C16orf46: variants seen among roughly 807,000 people sequenced by gnomAD.
The protein encoded by C16orf46 is chromosome 16 open reading frame 46.
A neutral mutation model predicts 5.5 loss-of-function variants in C16orf46; 7 were observed. That is an observed-to-expected ratio of 1.28 (90% CI 0.73 to 2.40). The LOEUF is 2.40. Among genes scored for constraint, C16orf46 ranks in the 30% most tolerant of loss-of-function variants. The pLI is 0.00. For missense variants in C16orf46, 614 were observed against 476.0 expected (o/e 1.29, Z -2.70); for synonymous variants, 200 against 184.1 (o/e 1.09, Z -0.70).
intron 1 of C16orf46, among the ~76,000 whole-genome samples, chr16:81,068,832 G>GCTTTATGATCTTATAAGTCA (rs1971742471): frequency 6.6e-6 from 1 of 152,034 alleles, no homozygotes; most frequent in African/African-American, 2.4e-5. Flanking sequence ...CTCCCAAGTA[G>GCTTTATGATCTTATAAGTCA]CTGGGATTCC....
At chr16:81,067,049 G>A (rs528600614) in intron 1 of C16orf46, among the ~76,000 whole-genome samples, 14 of 152,248 alleles carry the variant, frequency 9.2e-5, no homozygotes, top group African/African-American at 2.9e-4. Context: ...AGCCCCCAAA[G>A]TGCATGTTTG....
At chr16:81,057,273 G>C (rs927274742), downstream of C16orf46, among the ~76,000 whole-genome samples, 46 of 152,298 alleles carry the variant, frequency 3.0e-4, no homozygotes, top group Middle Eastern at 3.4e-3. Flanking sequence ...TTGGGGCAGG[G>C]CATGGTGGCT....
intron 1 of C16orf46, among the ~76,000 whole-genome samples, chr16:81,072,595 G>A (rs897972508): frequency 3.3e-5 from 5 of 152,134 alleles, no homozygotes; most frequent in African/African-American, 9.7e-5. Context: ...TGTTGGTCAG[G>A]CTGGTTTCAA....
Position 81,063,814 on chromosome 16 carries a change from T to C in C16orf46, c.142A>G (p.Ser48Gly), listed in dbSNP as rs1315006667. 1 of 1,614,008 alleles carries C rather than the reference T, an allele frequency of 6.2e-7. No individual in the cohort carries two copies. The highest frequency in any genetic ancestry group is 8.5e-7 in the Non-Finnish European group (1 of 1,180,034). ...KNHVYCLLDV[S>G]DITLEQDEKA... The stretch of plus-strand genomic sequence containing the variant: ...TCATCTTGTTCAAGCGTAATGTCAC[T>C]GACATCGAGAAGACAATAAACATGA... Residue 48 changes from serine to glycine, a missense_variant, in exon 3 of 4, where the codon AGT becomes GGT. By Grantham distance (56) the Ser-to-Gly change is moderately conservative. Coordinates refer to ENST00000299578, the MANE Select transcript of C16orf46 (RefSeq NM_152337.3).
chr16:81,073,770 T>C (rs886139824), intron 1 of C16orf46, among the ~76,000 whole-genome samples: 1 of 151,954 alleles, frequency 6.6e-6, no homozygotes, highest in South Asian at 2.1e-4. Flanking sequence ...CCAAGGAATG[T>C]GGATGGCATT....
chr16:81,054,211 C>A, intron 3 of C16orf46: 4 of 837,034 alleles, frequency 4.8e-6, no homozygotes, highest in Non-Finnish European at 7.4e-6. Context: ...GAAGACTGCC[C>A]TCAATAACTT....
At chr16:81,069,039 G>A (rs1389605607) in intron 1 of C16orf46, among the ~76,000 whole-genome samples, 1 of 152,120 alleles carries the variant, frequency 6.6e-6, no homozygotes, top group East Asian at 1.9e-4. Context: ...TAATAACGTG[G>A]CTACTTTATT....
intron 2 of C16orf46, 81 bp from the exon 3 acceptor site, chr16:81,064,074 T>G: frequency 1.3e-6 from 1 of 742,980 alleles, no homozygotes; most frequent in South Asian, 2.0e-5. Context: ...AGGTGAAATA[T>G]CTTCAAGACA....
chr16:81,056,335 T>C (rs1971294058), downstream of C16orf46: 1 of 152,156 alleles, frequency 6.6e-6, no homozygotes, highest in East Asian at 1.9e-4. Context: ...GAAGAGAGAA[T>C]GCCCACAACT....
intron 1 of C16orf46, among the ~76,000 whole-genome samples, chr16:81,066,746 A>G (rs1271196364): frequency 6.6e-6 from 1 of 152,246 alleles, no homozygotes; most frequent in Non-Finnish European, 1.5e-5. Flanking sequence ...AGCTCATGCC[A>G]TCCCATTTCT....
At chr16:81,065,342 T>C (rs964701257) in intron 2 of C16orf46, among the ~76,000 whole-genome samples, 2 of 151,910 alleles carry the variant, frequency 1.3e-5, no homozygotes, top group Non-Finnish European at 2.9e-5. Flanking sequence ...GGTGTGGTGG[T>C]GCACACCTGT....
intron 1 of C16orf46, among the ~76,000 whole-genome samples, chr16:81,074,356 T>C (rs147784924): frequency 0.019 from 2,835 of 152,248 alleles, 25 homozygotes; most frequent in Middle Eastern, 0.037. Flanking sequence ...ACAAAGTTAC[T>C]ATATTTTTTT....
chr16:81,067,237 A>G (rs569576524), intron 1 of C16orf46, among the ~76,000 whole-genome samples: 52 of 152,350 alleles, frequency 3.4e-4, no homozygotes, highest in African/African-American at 1.3e-3. Flanking sequence ...GATCAGCCAA[A>G]GAAATGTAAA....
intron 3 of C16orf46, among the ~76,000 whole-genome samples, chr16:81,054,536 T>C (rs117629058): frequency 0.017 from 2,592 of 152,256 alleles, 36 homozygotes; most frequent in Non-Finnish European, 0.027. Context: ...TATATATGTA[T>C]ATACATGTTG....
chr16:81,057,968 T>A (rs1971352442), downstream of C16orf46: 1 of 162,232 alleles, frequency 6.2e-6, no homozygotes, highest in South Asian at 1.6e-4. Context: ...AGGCGGAGGT[T>A]GCAGTGAGCC....
downstream of C16orf46, among the ~76,000 whole-genome samples, chr16:81,057,361 C>T (rs1046458161): frequency 6.6e-6 from 1 of 151,614 alleles, no homozygotes; most frequent in Admixed American, 6.6e-5. Flanking sequence ...CTAGCCTGGC[C>T]TACATGGTGA....
chr16:81,063,580 A>C (rs1209360701), intron 3 of C16orf46, among the ~76,000 whole-genome samples, 166 bp downstream of exon 3: 3 of 152,256 alleles, frequency 2.0e-5, no homozygotes, highest in Admixed American at 6.5e-5. Flanking sequence ...TACCCACAGT[A>C]GGTGCTGCTC....
At chr16:81,064,903 A>G (rs922325269) in intron 2 of C16orf46, among the ~76,000 whole-genome samples, 2 of 152,206 alleles carry the variant, frequency 1.3e-5, no homozygotes, top group Non-Finnish European at 2.9e-5. Flanking sequence ...ATCCAGACCT[A>G]TGAGGTAATA....
chr16:81,065,468 C>T (rs1971626531), intron 2 of C16orf46, among the ~76,000 whole-genome samples: 2 of 136,518 alleles, frequency 1.5e-5, no homozygotes, highest in African/African-American at 2.8e-5. Context: ...AGTAAGAATC[C>T]GTCTCAAAAA....
Sources: gnomAD v4.1 joint callset for allele counts (sites outside exome capture counted in the v4.1 genomes callset) on GRCh38, gnomAD v4.1.1 for gene constraint, MANE v1.5 for transcripts, NCBI Gene and HGNC (gene_info 2026-07-23, HGNC 2026-07-21) for gene names.